Variants in IREB2 observed in about 807,000 individuals in gnomAD.
The protein encoded by IREB2 is iron responsive element binding protein 2, also known as iron-responsive element-binding protein 2.
A neutral mutation model predicts 118.8 loss-of-function variants in IREB2; 39 were observed. The observed-to-expected ratio is 0.33, with a 90% CI of 0.25 to 0.43. IREB2 has a LOEUF of 0.43. IREB2 is among the 20% of genes least tolerant of loss of function. The probability of loss-of-function intolerance (pLI) is 1.00; values close to 1 mark genes in which losing one functional copy is unlikely to be tolerated. For synonymous variants in IREB2, 372 were observed against 392.2 expected, an observed-to-expected ratio of 0.95 and a Z score of 0.61; for missense variants, 900 against 1,147.3, an observed-to-expected ratio of 0.78 and a Z score of 3.11.
chr15:78,462,318 T>G (rs1053872311), intron 2 of IREB2, among the ~76,000 whole-genome samples: 1 of 152,188 alleles, frequency 6.6e-6, no homozygotes, highest in Non-Finnish European at 1.5e-5. Flanking sequence ...AGGAAACACT[T>G]TTGTGTGGCA....
intron 16 of IREB2, among the ~76,000 whole-genome samples, chr15:78,489,047 G>A (rs1010186053): frequency 6.6e-6 from 1 of 151,878 alleles, no homozygotes; most frequent in Non-Finnish European, 1.5e-5. Context: ...TGGAGAAACC[G>A]CATCTCTACT....
chr15:78,495,023 T>G (rs1274467550), intron 20 of IREB2, among the ~76,000 whole-genome samples: 1 of 152,176 alleles, frequency 6.6e-6, no homozygotes, highest in Non-Finnish European at 1.5e-5. Flanking sequence ...AGGAGGACAT[T>G]TCTCCTGAGA....
At chr15:78,471,950 A>G (rs777761198) in intron 7 of IREB2, 26 bp downstream of exon 7, 1 of 1,480,942 alleles carries the variant, frequency 6.8e-7, no homozygotes, top group Non-Finnish European at 9.1e-7. Flanking sequence ...AATATATTTC[A>G]TTTCTTTTGG....
chr15:78,468,774 C>T (rs1490549300), intron 5 of IREB2, among the ~76,000 whole-genome samples: 1 of 152,032 alleles, frequency 6.6e-6, no homozygotes. Flanking sequence ...TGTGCTCTTC[C>T]TTTCTAAGGA....
chr15:78,442,305 G>A (rs2050857287), intron 2 of IREB2, among the ~76,000 whole-genome samples: 1 of 152,176 alleles, frequency 6.6e-6, no homozygotes, highest in Non-Finnish European at 1.5e-5. Flanking sequence ...TGAAAGAAAG[G>A]AACAAGTTAG....
chr15:78,483,227 C>T, intron 10 of IREB2, 91 bp from the exon 11 acceptor site: 1 of 631,528 alleles, frequency 1.6e-6, no homozygotes, highest in African/African-American at 1.8e-5. Flanking sequence ...TACGAATATA[C>T]TTACTCTGCT....
At chr15:78,460,875 A>G (rs1458754086) in intron 2 of IREB2, among the ~76,000 whole-genome samples, 2 of 152,160 alleles carry the variant, frequency 1.3e-5, no homozygotes, top group African/African-American at 2.4e-5. Flanking sequence ...AACGTGCGCT[A>G]TTGGAAACTG....
rs182290795 is a variant in IREB2 at position 78,471,825 on chromosome 15, A to C, written c.784A>C (p.Arg262=). The C allele has an allele frequency of 3.2e-4, 514 of 1,613,786 alleles. 2 individuals carry two copies. The East Asian group carries it at 0.011, about 35-fold the overall frequency. Residue 262 remains arginine (R), a synonymous_variant, in exon 7 of 22, where the codon AGA becomes CGA. Transcript: ENST00000258886. ...TCAAATAAACTTAGAATATTTGTCA[A>C]GAGTGGTTTTTGAAGAAAAAGACCT... ...AHQINLEYLS[R]VVFEEKDLLF... is the part of the protein sequence containing the mutation.
intron 11 of IREB2, 148 bp downstream of exon 11, chr15:78,483,582 A>C (rs113657286): frequency 9.5e-5 from 54 of 569,442 alleles, no homozygotes; most frequent in African/African-American, 8.8e-4. Flanking sequence ...CTTCTGTCTA[A>C]TGTGCAAGTC....
At chr15:78,489,945 G>T (rs1174127667) in intron 16 of IREB2, among the ~76,000 whole-genome samples, 1 of 152,068 alleles carries the variant, frequency 6.6e-6, no homozygotes, top group African/African-American at 2.4e-5. Flanking sequence ...TAATCTCTCT[G>T]TAGCAACATA....
At chr15:78,481,965 G>A (rs1201087525) in intron 10 of IREB2, 2 of 152,244 alleles carry the variant, frequency 1.3e-5, no homozygotes, top group Non-Finnish European at 2.9e-5. Context: ...AAGTAAGCCA[G>A]GTGTGGTTAT....
chr15:78,488,808 A>T, intron 16 of IREB2, 37 bp downstream of exon 16: 1 of 1,225,760 alleles, frequency 8.2e-7, no homozygotes, highest in Non-Finnish European at 1.2e-6. Flanking sequence ...AGTTTAATCA[A>T]TTTGCAGTGT....
Position 78,465,327 on chromosome 15 carries a change from C to T in IREB2, c.349C>T (p.His117Tyr). The T allele has an allele frequency of 6.2e-7, 1 of 1,613,714 alleles. No homozygotes were observed. The highest frequency in any genetic ancestry group is 2.2e-5 in the East Asian group (1 of 44,846). Residue 117 changes from histidine to tyrosine, a missense_variant, in exon 4 of 22, where the codon CAT (histidine) becomes TAT (tyrosine). Physicochemically the swap from His to Tyr is moderately conservative, Grantham distance 83. Coordinates refer to ENST00000258886, the MANE Select transcript of IREB2 (RefSeq NM_004136.4). Reference protein sequence around the residue: ...KTLGGDPEKVHPACPTDLTVD... With the variant: ...KTLGGDPEKVYPACPTDLTVD... ...TCTTGGAGGTGATCCTGAGAAAGTC[C>T]ATCCTGCTTGTCCGACAGATCTTAC...
chr15:78,470,025 A>C (rs2051349239), intron 5 of IREB2, among the ~76,000 whole-genome samples: 1 of 152,378 alleles, frequency 6.6e-6, no homozygotes, highest in South Asian at 2.1e-4. Context: ...CTACTTATAC[A>C]TAAAGTAGAG....
rs954144 is a variant in IREB2 at position 78,438,249 on chromosome 15, C to T, written c.-89C>T. ...TTCCTTCTTTCCTCCCTTGCCAGTC[C>T]GCCTGTCTTCCTCCCCGTCTTCCCT... is the stretch of plus-strand genomic sequence containing the variant. On this transcript the variant is annotated 5_prime_UTR_variant, in exon 1 of 22. Coordinates refer to ENST00000258886, the MANE Select transcript of IREB2 (RefSeq NM_004136.4). 0.41 allele frequency: 413,243 copies of T among 1,007,746 alleles called. 87,252 individuals are homozygous for T. Among genetic ancestry groups the T allele is most frequent in the Non-Finnish European group, 0.44 (284,325 of 650,414 alleles). 62.4% of individuals were successfully genotyped at this position (1,007,746 alleles called of 1,614,324 possible). A position where few individuals can be genotyped will look rare whatever the true frequency, so the allele number is the denominator to read the frequency against.
intron 20 of IREB2, among the ~76,000 whole-genome samples, 169 bp downstream of exon 20, chr15:78,494,433 G>A (rs746816065): frequency 1.8e-4 from 27 of 152,018 alleles, no homozygotes; most frequent in Non-Finnish European, 3.2e-4. Flanking sequence ...GTAATATTTT[G>A]TACTCATCTA....
intron 2 of IREB2, among the ~76,000 whole-genome samples, chr15:78,447,208 T>C (rs2050945014): frequency 6.6e-6 from 1 of 150,708 alleles, no homozygotes; most frequent in Non-Finnish European, 1.5e-5. Flanking sequence ...ACAGGATCTC[T>C]CTTTGTTACT....
rs781388674 is a variant in IREB2, at chr15:78,499,097, C to G, written c.*954C>G. 6.6e-6 allele frequency: 1 copy of G among 152,092 alleles called. No homozygotes were observed. Among genetic ancestry groups the G allele is most frequent in the Non-Finnish European group, 1.5e-5 (1 of 68,014 alleles). The allele number at this position is 152,092 out of a possible 1,614,324, so 9.4% of individuals were successfully genotyped here. On this transcript the variant is annotated 3_prime_UTR_variant, in exon 22 of 22. Coordinates refer to ENST00000258886, the MANE Select transcript of IREB2 (RefSeq NM_004136.4). ...ACCCTCAATAATACGGGTGCTCAAC[C>G]CTATGCATTTTTTAAGTGTTGCTAT...
intron 2 of IREB2, among the ~76,000 whole-genome samples, chr15:78,457,145 C>CG (rs1337097580): frequency 1.3e-5 from 2 of 152,118 alleles, no homozygotes; most frequent in Admixed American, 1.3e-4. Context: ...GCTTAGTACT[C>CG]TATGTCCTTA....
Sources: allele counts gnomAD v4.1 joint callset (sites outside exome capture counted in the v4.1 genomes callset), GRCh38; gene constraint gnomAD v4.1.1; transcripts MANE v1.5; gene names NCBI Gene and HGNC (gene_info 2026-07-23, HGNC 2026-07-21).